Variants in DLEU7 observed in about 807,000 individuals in gnomAD.
DLEU7 encodes leukemia-associated protein 7.
A neutral mutation model predicts 16.0 loss-of-function variants in DLEU7; 17 were observed. The ratio of observed to expected loss-of-function variants is 1.06; its 90% CI spans 0.73 to 1.59. The LOEUF (loss-of-function observed/expected upper bound fraction) is 1.59, where lower values mean the gene tolerates loss of function less well. Ranked by LOEUF, DLEU7 falls within the 40% of genes most tolerant of loss-of-function variation. The pLI is 0.00. For synonymous variants in DLEU7, 113 were observed against 139.8 expected (o/e 0.81, Z 1.35); for missense variants, 308 against 314.9 (o/e 0.98, Z 0.17).
At chr13:50,814,825 A>G (rs1876682126) in intron 1 of DLEU7, among the ~76,000 whole-genome samples, 1 of 148,856 alleles carries the variant, frequency 6.7e-6, no homozygotes, top group Admixed American at 6.7e-5. Context: ...GTACTGTACC[A>G]ATCCAGTTAA....
rs5803530 is a variant in DLEU7, at chr13:50,758,025, ATTTTT to A, written c.460-44790_460-44786del. Among the ~76,000 whole-genome samples the A allele has an allele frequency of 2.2e-4, 20 of 89,100 alleles. No homozygotes were observed. The East Asian group carries it at 5.7e-3, about 25-fold the overall frequency. The allele number at this position is 89,100 out of a possible 152,430, so 58.5% of individuals were successfully genotyped here. A position where few individuals can be genotyped will look rare whatever the true frequency, so the allele number is the denominator to read the frequency against. Reference sequence around the variant, plus strand: ...CCCCAGTATTATTTTCATTACCAAGATTTTTTTTTTTTTTTTTTTTTTTTTGAGAT... The same window carrying A: ...CCCCAGTATTATTTTCATTACCAAGATTTTTTTTTTTTTTTTTTTTGAGAT... On this transcript the variant is annotated intron_variant, in intron 1 of 1. Coordinates refer to the DLEU7 transcript ENST00000400393.
At chr13:50,831,154 G>C (rs1002696910) in intron 1 of DLEU7, among the ~76,000 whole-genome samples, 1 of 151,432 alleles carries the variant, frequency 6.6e-6, no homozygotes, top group African/African-American at 2.4e-5. Context: ...AAAGAAAGGG[G>C]AAGGGAAAAG....
intron 1 of DLEU7, among the ~76,000 whole-genome samples, chr13:50,756,762 A>G (rs181662552): frequency 1.2e-3 from 175 of 152,104 alleles, no homozygotes; most frequent in African/African-American, 3.8e-3. Context: ...AATTTTTTCA[A>G]ATTTCAGCTG....
chr13:50,759,840 A>AC (rs1566241543), intron 1 of DLEU7, among the ~76,000 whole-genome samples: 2 of 151,780 alleles, frequency 1.3e-5, no homozygotes, highest in African/African-American at 2.4e-5. Context: ...CTCTTTGGCC[A>AC]CCCCTCCACA....
intron 1 of DLEU7, among the ~76,000 whole-genome samples, chr13:50,798,497 C>T (rs1259759466): frequency 6.6e-6 from 1 of 152,172 alleles, no homozygotes; most frequent in Non-Finnish European, 1.5e-5. Flanking sequence ...TCAGTCCTTT[C>T]TCACCTGATG....
At chr13:50,797,214 T>C (rs1018205373) in intron 1 of DLEU7, among the ~76,000 whole-genome samples, 3 of 151,988 alleles carry the variant, frequency 2.0e-5, no homozygotes, top group South Asian at 2.1e-4. Context: ...GTAGTTGGCA[T>C]GAAAAAGCGT....
chr13:50,796,147 C>A (rs1329429571), intron 1 of DLEU7, among the ~76,000 whole-genome samples: 2 of 152,020 alleles, frequency 1.3e-5, no homozygotes, highest in East Asian at 3.8e-4. Flanking sequence ...GAGTACTGAA[C>A]TCTATATATT....
Position 50,835,844 on chromosome 13 carries a change from A to G in DLEU7, c.459+7344T>C, listed in dbSNP as rs77287430. ...AAAATCTTAAAACGGAAGACAAGTTAAGCCTGTTTTTAAAGCTTGGTACTG... is the reference window on the plus strand; with the variant it reads ...AAAATCTTAAAACGGAAGACAAGTTGAGCCTGTTTTTAAAGCTTGGTACTG... On this transcript the variant is annotated intron_variant, in intron 1 of 1. Transcript: ENST00000504404. Among the ~76,000 whole-genome samples the G allele has an allele frequency of 4.1e-3, 623 of 152,354 alleles. 3 individuals carry two copies. Among genetic ancestry groups the G allele is most frequent in the African/African-American group, 0.014 (594 of 41,584 alleles).
intron 1 of DLEU7, among the ~76,000 whole-genome samples, chr13:50,827,562 T>C (rs1293679483): frequency 1.3e-5 from 2 of 151,328 alleles, no homozygotes; most frequent in East Asian, 1.9e-4. Context: ...GGCATGCACC[T>C]GTGGTCCCAG....
chr13:50,732,724 T>G (rs1873949369), intron 1 of DLEU7, among the ~76,000 whole-genome samples: 2 of 152,228 alleles, frequency 1.3e-5, no homozygotes, highest in South Asian at 4.1e-4. Context: ...CTTTGAGTCC[T>G]TTTTTTAAAA....
At chr13:50,733,301 T>C (rs532088832) in intron 1 of DLEU7, among the ~76,000 whole-genome samples, 6 of 152,308 alleles carry the variant, frequency 3.9e-5, no homozygotes, top group Admixed American at 3.9e-4. Flanking sequence ...TGAGAACCAA[T>C]GTTTTAGATT....
At chr13:50,814,507 G>C (rs1458388311) in intron 1 of DLEU7, among the ~76,000 whole-genome samples, 1 of 151,782 alleles carries the variant, frequency 6.6e-6, no homozygotes, top group African/African-American at 2.4e-5. Context: ...CATATTGATA[G>C]TTTGGATAGT....
chr13:50,809,170 A>G (rs1481347132), intron 1 of DLEU7, among the ~76,000 whole-genome samples: 2 of 152,188 alleles, frequency 1.3e-5, no homozygotes, highest in Non-Finnish European at 2.9e-5. Flanking sequence ...CCCATAGGAC[A>G]TATTAATCAC....
At chr13:50,809,876 C>T (rs936526789) in intron 1 of DLEU7, among the ~76,000 whole-genome samples, 5 of 152,014 alleles carry the variant, frequency 3.3e-5, no homozygotes, top group African/African-American at 1.2e-4. Flanking sequence ...TCATTCACCA[C>T]AAGAAGAAAA....
At chr13:50,736,396 T>A (rs1874070838) in intron 1 of DLEU7, among the ~76,000 whole-genome samples, 1 of 151,956 alleles carries the variant, frequency 6.6e-6, no homozygotes, top group Non-Finnish European at 1.5e-5. Flanking sequence ...TAAATAACTA[T>A]CGGGTACCAG....
chr13:50,788,427 G>A (rs984913865), intron 1 of DLEU7, among the ~76,000 whole-genome samples: 4 of 152,148 alleles, frequency 2.6e-5, no homozygotes, highest in Non-Finnish European at 5.9e-5. Flanking sequence ...ATAATACCAA[G>A]GCTGTGAAAG....
intron 1 of DLEU7, among the ~76,000 whole-genome samples, chr13:50,792,219 T>G (rs997044042): frequency 6.6e-6 from 1 of 152,238 alleles, no homozygotes; most frequent in Non-Finnish European, 1.5e-5. Flanking sequence ...GTCAAATCAG[T>G]AGGAATATCT....
At chr13:50,833,688 T>G (rs141470674) in intron 1 of DLEU7, among the ~76,000 whole-genome samples, 1 of 152,298 alleles carries the variant, frequency 6.6e-6, no homozygotes, top group East Asian at 1.9e-4. Flanking sequence ...TAGAAAAATC[T>G]ACTTTAAATT....
downstream of DLEU7, among the ~76,000 whole-genome samples, chr13:50,821,406 C>T (rs1424093563): frequency 2.0e-5 from 3 of 152,116 alleles, no homozygotes; most frequent in Admixed American, 2.0e-4. Flanking sequence ...ACTGTAGATG[C>T]TATGCAACAT....
Sources: gnomAD v4.1 joint callset for allele counts (sites outside exome capture counted in the v4.1 genomes callset) on GRCh38, gnomAD v4.1.1 for gene constraint, MANE v1.5 for transcripts, NCBI Gene and HGNC (gene_info 2026-07-23, HGNC 2026-07-21) for gene names.